KALRN: variants seen among roughly 807,000 people sequenced by gnomAD.
The protein encoded by KALRN is kalirin RhoGEF kinase, also known as kalirin.
In KALRN, 70 loss-of-function variants were observed where a neutral mutation model predicts 353.7. The observed-to-expected ratio is 0.20, with a 90% CI of 0.16 to 0.24. KALRN has a LOEUF of 0.24. KALRN is among the 10% of genes least tolerant of loss of function. The pLI is 1.00. For missense variants in KALRN, 2,791 were observed against 3,756.7 expected (o/e 0.74, Z 6.72); for synonymous variants, 1,391 against 1,434.8 (o/e 0.97, Z 0.69).
intron 34 of KALRN, among the ~76,000 whole-genome samples, chr3:124,632,019 C>T (rs1230860299): frequency 6.6e-6 from 1 of 152,246 alleles, no homozygotes; most frequent in Non-Finnish European, 1.5e-5. Flanking sequence ...CTTCAATCTG[C>T]ACCCCCTTTT....
Position 124,148,968 on chromosome 3 carries a change from CTT to C in KALRN, c.74-79020_74-79019del, listed in dbSNP as rs2067727231. Reference sequence around the variant, plus strand: ...TTTACTGCCTACTATATGCCAATAACTTTATATTATTATTATGTTAATTTTCA... The same window carrying C: ...TTTACTGCCTACTATATGCCAATAACTATATTATTATTATGTTAATTTTCA... On this transcript the variant is annotated intron_variant, in intron 1 of 59. Transcript: ENST00000682506. Among the ~76,000 whole-genome samples the C allele has an allele frequency of 3.3e-5, 5 of 152,182 alleles. No homozygotes were observed. The South Asian group carries it at 1.0e-3, about 32-fold the overall frequency.
intron 9 of KALRN, among the ~76,000 whole-genome samples, chr3:124,335,449 A>G (rs2081044194): frequency 6.6e-6 from 1 of 152,124 alleles, no homozygotes; most frequent in African/African-American, 2.4e-5. Context: ...CCACAAAAGG[A>G]CAATCTTGCT....
chr3:124,483,983 T>G (rs746601199), intron 28 of KALRN, among the ~76,000 whole-genome samples: 23 of 152,198 alleles, frequency 1.5e-4, no homozygotes, highest in Non-Finnish European at 2.4e-4. Context: ...GGGGTAGAGT[T>G]TTCCCTCATT....
chr3:124,412,941 AG>A (rs1357972184), intron 13 of KALRN, among the ~76,000 whole-genome samples: 1 of 152,216 alleles, frequency 6.6e-6, no homozygotes, highest in African/African-American at 2.4e-5. Context: ...AGGTTTTTCT[AG>A]CCCTCAGTTT....
At chr3:124,577,432 G>T (rs2074222389) in intron 34 of KALRN, among the ~76,000 whole-genome samples, 1 of 152,162 alleles carries the variant, frequency 6.6e-6, no homozygotes, top group African/African-American at 2.4e-5. Context: ...CACAGGGCCA[G>T]CAGTGGTGCA....
intron 3 of KALRN, among the ~76,000 whole-genome samples, chr3:124,240,583 T>C (rs1018344937): frequency 3.3e-5 from 5 of 152,042 alleles, no homozygotes; most frequent in African/African-American, 1.2e-4. Context: ...AGCAGGGGAA[T>C]TGGTACCTTG....
rs777148067 is a variant in KALRN at position 124,657,757 on chromosome 3, A to G, written c.5990A>G (p.Lys1997Arg). The change falls in exon 41 of 60, where the codon AAG becomes AGG. Residue 1997 changes from lysine to arginine, a missense_variant. Lys to Arg is a conservative substitution (Grantham distance 26, BLOSUM62 2). This residue lies in a region of KALRN where 1,065 missense variants were observed against 1,156.4 expected (regional missense o/e 0.92). Transcript: ENST00000682506. ...AGTTTTTTCCTGGCGGAACTGGAAAAGTGTATCCAGGAGCAAGACAGATTG... is the reference window on the plus strand; with the variant it reads ...AGTTTTTTCCTGGCGGAACTGGAAAGGTGTATCCAGGAGCAAGACAGATTG... ...HKDFFLAELE[K>R]CIQEQDRLAQ... The G allele has an allele frequency of 3.1e-6, 5 of 1,613,680 alleles. No homozygotes were observed. The highest frequency in any genetic ancestry group is 1.3e-5 in the African/African-American group (1 of 74,900).
chr3:124,463,667 G>A (rs977237182), intron 25 of KALRN, among the ~76,000 whole-genome samples: 1 of 152,150 alleles, frequency 6.6e-6, no homozygotes, highest in Non-Finnish European at 1.5e-5. Flanking sequence ...TGCCATATTC[G>A]ATATCTCAGC....
At chr3:124,291,083 A>T (rs1369959884) in intron 5 of KALRN, among the ~76,000 whole-genome samples, 1 of 152,216 alleles carries the variant, frequency 6.6e-6, no homozygotes, top group East Asian at 1.9e-4. Flanking sequence ...TGGGAACCAC[A>T]GCTTGCCAGC....
At chr3:124,337,547 G>C (rs1012710818) in intron 9 of KALRN, among the ~76,000 whole-genome samples, 3 of 152,172 alleles carry the variant, frequency 2.0e-5, no homozygotes, top group Admixed American at 6.5e-5. Context: ...CATTTGGCCA[G>C]TATTTTATTG....
chr3:124,033,390 G>A lies in KALRN; in HGVS notation c.-351G>A, dbSNP rs1191413293. Among the ~76,000 whole-genome samples the A allele has an allele frequency of 6.6e-6, 1 of 151,900 alleles. No individual in the cohort carries two copies. Among genetic ancestry groups the A allele is most frequent in the South Asian group, 2.1e-4 (1 of 4,824 alleles). On this transcript the variant is annotated 5_prime_UTR_variant, in exon 1 of 60. Coordinates refer to ENST00000682506, the MANE Select transcript of KALRN (RefSeq NM_001388419.1). The surrounding 1 kb of genome is among the most constrained non-coding windows in gnomAD (Gnocchi z 6.2). Reference sequence around the variant, plus strand: ...GAACAATAGAGACAGGCAGACGGGCGAGCAGGAGAGCCAGCTGCCGCTGCT... The same window carrying A: ...GAACAATAGAGACAGGCAGACGGGCAAGCAGGAGAGCCAGCTGCCGCTGCT...
chr3:124,136,137 A>G, intron 1 of KALRN, among the ~76,000 whole-genome samples: 1 of 152,178 alleles, frequency 6.6e-6, no homozygotes, highest in East Asian at 1.9e-4. Context: ...GTATTATTTT[A>G]AAAGCTCCCC....
At chr3:124,324,515 A>C (rs986570469) in intron 6 of KALRN, among the ~76,000 whole-genome samples, 1 of 152,256 alleles carries the variant, frequency 6.6e-6, no homozygotes, top group Non-Finnish European at 1.5e-5. Context: ...TCCCATAACA[A>C]GAATCAGTAA....
Position 124,678,292 on chromosome 3 carries a change from G to T in KALRN, c.7296G>T (p.Leu2432=). Residue 2432 remains leucine, a synonymous_variant, in exon 50 of 60, where the codon CTG becomes CTT. Transcript: ENST00000682506. ...ATGPRKPKDI[L]GNKVSVKETN... is the part of the protein sequence containing the mutation. ...GGCCTCGTAAACCCAAGGATATTCT[G>T]GGCAACAAAGTCTCTGTTAAAGTGA... 6.2e-7 allele frequency: 1 copy of T among 1,613,902 alleles called. No homozygotes were observed. Among genetic ancestry groups the T allele is most frequent in the Non-Finnish European group, 8.5e-7 (1 of 1,179,880 alleles).
chr3:124,208,351 A>G (rs945727642), intron 1 of KALRN, among the ~76,000 whole-genome samples: 1 of 152,194 alleles, frequency 6.6e-6, no homozygotes, highest in African/African-American at 2.4e-5. Context: ...CATGCCTTGG[A>G]AAGAGATTGG....
At chr3:124,431,014 G>T (rs1274003206) in intron 16 of KALRN, among the ~76,000 whole-genome samples, 1 of 152,218 alleles carries the variant, frequency 6.6e-6, no homozygotes, top group Non-Finnish European at 1.5e-5. Flanking sequence ...GAGAATCTTT[G>T]TTACCTATCA....
Position 124,231,973 on chromosome 3 carries a change from C to T in KALRN, c.149-2856C>T, listed in dbSNP as rs773088010. Among the ~76,000 whole-genome samples the T allele has an allele frequency of 1.2e-4, 18 of 152,194 alleles. 1 individual carries two copies. Among genetic ancestry groups the T allele is most frequent in the Non-Finnish European group, 7.4e-5 (5 of 68,026 alleles). On this transcript the variant is annotated intron_variant, in intron 2 of 59. Transcript: ENST00000682506. Reference sequence around the variant, plus strand: ...TCCACCTACCTACCATGATTATGCACGTCCAAGATCTTGACCCTTGATGTG... The same window carrying T: ...TCCACCTACCTACCATGATTATGCATGTCCAAGATCTTGACCCTTGATGTG...
At chr3:124,536,059 C>T (rs754979713) in intron 33 of KALRN, among the ~76,000 whole-genome samples, 2 of 152,154 alleles carry the variant, frequency 1.3e-5, no homozygotes, top group Non-Finnish European at 2.9e-5. Flanking sequence ...GCAATAGCTG[C>T]AAGGGAACCA....
intron 14 of KALRN, among the ~76,000 whole-genome samples, chr3:124,416,947 AT>A (rs1474923708): frequency 6.6e-6 from 1 of 152,214 alleles, no homozygotes; most frequent in Non-Finnish European, 1.5e-5. Context: ...GAACTAGGGA[AT>A]TTTTATATGC....
Sources: allele counts gnomAD v4.1 joint callset (sites outside exome capture counted in the v4.1 genomes callset), GRCh38; gene constraint gnomAD v4.1.1; regional missense constraint gnomAD v4.1.1; non-coding constraint Gnocchi (gnomAD v3.1); transcripts MANE v1.5; gene names NCBI Gene and HGNC (gene_info 2026-07-23, HGNC 2026-07-21).